Variants in STIMATE observed in about 807,000 individuals in gnomAD.
STIMATE encodes store-operated calcium entry regulator STIMATE.
STIMATE carries 15 observed loss-of-function variants against 36.7 expected under a neutral mutation model. The ratio of observed to expected loss-of-function variants is 0.41; its 90% CI spans 0.27 to 0.63. The LOEUF is 0.63. Ranked by LOEUF, STIMATE falls within the 20% of genes least tolerant of loss-of-function variation. The pLI, the probability that STIMATE is intolerant of heterozygous loss-of-function variation, is 0.32. For synonymous variants in STIMATE, 163 were observed against 162.3 expected (o/e 1.00, Z -0.03); for missense variants, 305 against 397.3 (o/e 0.77, Z 1.98).
intron 2 of STIMATE, among the ~76,000 whole-genome samples, chr3:52,853,620 G>A (rs1047539831): frequency 6.8e-6 from 1 of 146,932 alleles, no homozygotes; most frequent in Non-Finnish European, 1.5e-5. Flanking sequence ...AAAGGACAAC[G>A]TATGTAAGAC....
At chr3:52,866,965 T>TGCAGG (rs1701323829) in intron 1 of STIMATE, among the ~76,000 whole-genome samples, 1 of 152,210 alleles carries the variant, frequency 6.6e-6, no homozygotes, top group South Asian at 2.1e-4. Context: ...GGTGGGCTCC[T>TGCAGG]GTCAGGTGCA....
intron 1 of STIMATE, among the ~76,000 whole-genome samples, chr3:52,861,675 G>C (rs956721071): frequency 1.3e-5 from 2 of 152,160 alleles, no homozygotes; most frequent in Admixed American, 6.5e-5. Context: ...TCCCCACCCT[G>C]CACCCTGTCT....
intron 6 of STIMATE, among the ~76,000 whole-genome samples, chr3:52,843,328 C>T (rs982939921): frequency 6.6e-6 from 1 of 152,188 alleles, no homozygotes; most frequent in Admixed American, 6.5e-5. Context: ...GTCCCAGCTT[C>T]CCTCACCACT....
At chr3:52,881,452 C>A (rs942930300) in intron 1 of STIMATE, among the ~76,000 whole-genome samples, 2 of 152,040 alleles carry the variant, frequency 1.3e-5, no homozygotes, top group African/African-American at 2.4e-5. Flanking sequence ...CGCCTGTAAT[C>A]CCAGCACTTT....
intron 1 of STIMATE, among the ~76,000 whole-genome samples, chr3:52,887,601 C>A (rs1007429375): frequency 6.6e-6 from 1 of 152,232 alleles, no homozygotes; most frequent in Non-Finnish European, 1.5e-5. Context: ...CCTGGTAGGG[C>A]TCAGCAGTTC....
At chr3:52,845,800 T>C (rs7646466) in intron 4 of STIMATE, among the ~76,000 whole-genome samples, 4 of 152,028 alleles carry the variant, frequency 2.6e-5, no homozygotes, top group African/African-American at 4.8e-5. Flanking sequence ...GGGAGCCACA[T>C]AGGCCTCCCC....
intron 4 of STIMATE, 24 bp downstream of exon 4, chr3:52,849,768 T>C (rs1354898911): frequency 1.2e-6 from 2 of 1,606,548 alleles, no homozygotes; most frequent in South Asian, 2.2e-5. Flanking sequence ...CCTCACGCCC[T>C]GTCCGGCATC....
At chr3:52,872,649 G>A (rs1425018279) in intron 1 of STIMATE, among the ~76,000 whole-genome samples, 14 of 152,126 alleles carry the variant, frequency 9.2e-5, no homozygotes, top group African/African-American at 1.7e-4. Flanking sequence ...TTTTTGAGAC[G>A]GAGTCTCGCT....
At chr3:52,855,491 A>C (rs1378388511) in intron 1 of STIMATE, 47 bp from the exon 2 acceptor site, 1 of 1,613,190 alleles carries the variant, frequency 6.2e-7, no homozygotes, top group Non-Finnish European at 8.5e-7. Context: ...AAGTTACATA[A>C]AGCAAGATGC....
intron 4 of STIMATE, 63 bp from the exon 5 acceptor site, chr3:52,845,004 C>G: frequency 6.4e-7 from 1 of 1,559,500 alleles, no homozygotes; most frequent in East Asian, 2.3e-5. Context: ...ATGATGTCCC[C>G]ACCCCACTCC....
intron 4 of STIMATE, chr3:52,847,102 A>C: frequency 1.9e-6 from 1 of 529,374 alleles, no homozygotes; most frequent in Non-Finnish European, 2.4e-6. Context: ...TAGAGACGGG[A>C]TCTTGCTTTG....
chr3:52,896,036 C>G, intron 1 of STIMATE: 1 of 982,754 alleles, frequency 1.0e-6, no homozygotes, highest in Non-Finnish European at 1.4e-6. Context: ...AAGTGGCAAA[C>G]ATAGACAGTT....
intron 1 of STIMATE, among the ~76,000 whole-genome samples, chr3:52,894,511 A>G (rs1701833116): frequency 6.6e-6 from 1 of 152,244 alleles, no homozygotes; most frequent in Admixed American, 6.5e-5. Flanking sequence ...ATTAATATAT[A>G]TAAGTAATCT....
intron 1 of STIMATE, among the ~76,000 whole-genome samples, chr3:52,884,104 C>T (rs1465288506): frequency 6.6e-6 from 1 of 152,132 alleles, no homozygotes; most frequent in East Asian, 1.9e-4. Context: ...TTTCCCCTTT[C>T]TCTTCTAAAA....
intron 1 of STIMATE, among the ~76,000 whole-genome samples, chr3:52,867,439 G>C (rs1701330201): frequency 6.6e-6 from 1 of 152,238 alleles, no homozygotes; most frequent in African/African-American, 2.4e-5. Flanking sequence ...TCTCAGGAAT[G>C]GGGTGCTCTG....
At chr3:52,867,030 C>T (rs1362802266) in intron 1 of STIMATE, among the ~76,000 whole-genome samples, 1 of 152,122 alleles carries the variant, frequency 6.6e-6, no homozygotes, top group Non-Finnish European at 1.5e-5. Flanking sequence ...CCGGCTGCAG[C>T]CCTGGCTACC....
chr3:52,882,156 G>T (rs1204430451), intron 1 of STIMATE, among the ~76,000 whole-genome samples: 2 of 152,222 alleles, frequency 1.3e-5, no homozygotes, highest in African/African-American at 4.8e-5. Context: ...TGGGGGCTGG[G>T]GTCCTTAGCT....
intron 1 of STIMATE, among the ~76,000 whole-genome samples, chr3:52,893,920 C>T (rs1016365219): frequency 1.3e-5 from 2 of 152,166 alleles, no homozygotes; most frequent in African/African-American, 4.8e-5. Context: ...CCCCAAATGC[C>T]AACACACACA....
At chr3:52,862,714 C>T (rs1057471926) in intron 1 of STIMATE, among the ~76,000 whole-genome samples, 2 of 152,116 alleles carry the variant, frequency 1.3e-5, no homozygotes, top group African/African-American at 4.8e-5. Context: ...TGGTGTCCTA[C>T]GTGGTATGTC....
Sources: gnomAD v4.1 joint callset for allele counts (sites outside exome capture counted in the v4.1 genomes callset) on GRCh38, gnomAD v4.1.1 for gene constraint, MANE v1.5 for transcripts, NCBI Gene and HGNC (gene_info 2026-07-23, HGNC 2026-07-21) for gene names.